Variants in RDH11 observed in about 807,000 individuals in gnomAD.
RDH11 encodes the protein retinol dehydrogenase 11, also known as HCV core-binding protein HCBP12.
In RDH11, 19 loss-of-function variants were observed where a neutral mutation model predicts 33.4. The observed-to-expected ratio is 0.57, with a 90% CI of 0.40 to 0.83. The LOEUF is 0.83. RDH11 is among the 40% of genes least tolerant of loss of function. RDH11 has a pLI of 0.00. For synonymous variants in RDH11, 154 were observed against 155.3 expected (o/e 0.99, Z 0.06); for missense variants, 353 against 389.0 (o/e 0.91, Z 0.78).
intron 5 of RDH11, among the ~76,000 whole-genome samples, chr14:67,689,234 C>T (rs2037718701): frequency 6.6e-6 from 1 of 152,236 alleles, no homozygotes; most frequent in African/African-American, 2.4e-5. Context: ...CTTCCCATCT[C>T]ACAGATGTTC....
intron 5 of RDH11, among the ~76,000 whole-genome samples, chr14:67,687,542 G>T (rs933274813): frequency 1.4e-5 from 2 of 145,862 alleles, no homozygotes; most frequent in African/African-American, 2.6e-5. Context: ...TATGATCTCA[G>T]CTCACCACAA....
chr14:67,677,163 T>C lies in RDH11; in HGVS notation c.*1158A>G, dbSNP rs2037549264. 6.6e-6 allele frequency: 1 copy of C among 152,128 alleles called. No individual in the cohort carries two copies. Among genetic ancestry groups the C allele is most frequent in the Non-Finnish European group, 1.5e-5 (1 of 68,028 alleles). 9.4% of individuals were successfully genotyped at this position (152,128 alleles called of 1,614,324 possible). ...AGTGATGGGAACACTACTAATTCCT[T>C]AGACTTCCTTTGGCAGCATTACTTT... is the stretch of plus-strand genomic sequence containing the variant. On this transcript the variant is annotated 3_prime_UTR_variant, in exon 7 of 7. Coordinates refer to ENST00000381346, the MANE Select transcript of RDH11 (RefSeq NM_016026.4).
chr14:67,688,344 C>T lies in RDH11; in HGVS notation c.664+1868G>A, dbSNP rs77427675. Among the ~76,000 whole-genome samples, 487 of 152,248 alleles carry T rather than the reference C, an allele frequency of 3.2e-3. 17 individuals are homozygous for T. In the East Asian group the frequency reaches 0.08, roughly 25 times the overall value. ...AATACACTAAGGCACATCTATACTACGAAATACAACACAGCCAATACAATT... is the reference window on the plus strand; with the variant it reads ...AATACACTAAGGCACATCTATACTATGAAATACAACACAGCCAATACAATT... On this transcript the variant is annotated intron_variant, in intron 5 of 6. Coordinates refer to ENST00000381346, the MANE Select transcript of RDH11 (RefSeq NM_016026.4).
chr14:67,679,076 G>C (rs2037580238), intron 6 of RDH11, among the ~76,000 whole-genome samples: 1 of 152,172 alleles, frequency 6.6e-6, no homozygotes, highest in Non-Finnish European at 1.5e-5. Context: ...AAGCTGAGAA[G>C]TCCAAGATCA....
At position 67,682,546 on chromosome 14, in the gene RDH11, C is replaced by T. The variant is rs564256350; in HGVS notation, c.854+2469G>A. On this transcript the variant is annotated intron_variant, in intron 6 of 6. Transcript: ENST00000381346. ...TAGGAAAATGAAATGAAAATAAAAA[C>T]AAGATATTCCTTCATACTCACTAGG... is the stretch of plus-strand genomic sequence containing the variant. 4.6e-5 allele frequency among the ~76,000 whole-genome samples: 7 copies of T among 152,192 alleles called. No individual in the cohort carries two copies. In the East Asian group the frequency reaches 1.4e-3, roughly 29 times the overall value.
chr14:67,679,385 T>C (rs558847890), intron 6 of RDH11, among the ~76,000 whole-genome samples: 8 of 152,156 alleles, frequency 5.3e-5, no homozygotes, highest in Non-Finnish European at 8.8e-5. Flanking sequence ...CCTCTCTTCA[T>C]TGCTGTAATT....
At chr14:67,680,170 G>C (rs748204388) in intron 6 of RDH11, among the ~76,000 whole-genome samples, 1 of 152,182 alleles carries the variant, frequency 6.6e-6, no homozygotes, top group African/African-American at 2.4e-5. Flanking sequence ...ACTAAAGTTT[G>C]AGAAATACCA....
At chr14:67,695,053 T>C (rs1055803705) in intron 1 of RDH11, among the ~76,000 whole-genome samples, 1 of 152,010 alleles carries the variant, frequency 6.6e-6, no homozygotes, top group Admixed American at 6.6e-5. Flanking sequence ...CTAACTCAGA[T>C]CCCCCGTGCT....
chr14:67,685,717 G>T (rs2037669875), intron 5 of RDH11, among the ~76,000 whole-genome samples: 1 of 151,966 alleles, frequency 6.6e-6, no homozygotes, highest in Non-Finnish European at 1.5e-5. Context: ...CCAGGTTCAA[G>T]CGATTCTCCT....
Position 67,692,926 on chromosome 14 carries a change from G to A in RDH11, c.193+8C>T. The stretch of plus-strand genomic sequence containing the variant: ...TAATAGGAGGGAATTGAAAGGAGGT[G>A]AACTTGCCTCTCTGAGCCAGCTCTT... On this transcript the variant is annotated splice_region_variant and intron_variant, in intron 2 of 6. Coordinates refer to ENST00000381346, the MANE Select transcript of RDH11 (RefSeq NM_016026.4). 1 of 1,569,150 alleles carries A rather than the reference G, an allele frequency of 6.4e-7. No homozygotes were observed. The highest frequency in any genetic ancestry group is 1.7e-5 in the Admixed American group (1 of 59,776).
chr14:67,686,872 T>G (rs1287754470), intron 5 of RDH11, among the ~76,000 whole-genome samples: 1 of 152,182 alleles, frequency 6.6e-6, no homozygotes, highest in African/African-American at 2.4e-5. Context: ...TGTAAAGCTT[T>G]GAAGAAACAG....
chr14:67,695,731 G>A lies in RDH11; in HGVS notation c.-28C>T, dbSNP rs760464790. ...CTGCCGGCTGCAGCGGCACCAGAGCGGGATGCTCCAGCGTTGCTCGCCGAC... is the reference window on the plus strand; with the variant it reads ...CTGCCGGCTGCAGCGGCACCAGAGCAGGATGCTCCAGCGTTGCTCGCCGAC... On this transcript the variant is annotated 5_prime_UTR_variant, in exon 1 of 7. Coordinates refer to ENST00000381346, the MANE Select transcript of RDH11 (RefSeq NM_016026.4). The A allele has an allele frequency of 7.5e-6, 12 of 1,610,202 alleles. No individual in the cohort carries two copies. Among genetic ancestry groups the A allele is most frequent in the Middle Eastern group, 3.3e-4 (2 of 6,036 alleles).
At chr14:67,681,982 G>A (rs181233892) in intron 6 of RDH11, among the ~76,000 whole-genome samples, 119 of 152,190 alleles carry the variant, frequency 7.8e-4, no homozygotes, top group African/African-American at 2.6e-3. Flanking sequence ...CACTATCATG[G>A]GAGTGGGTTT....
chr14:67,691,540 A>G (rs1189348043), intron 3 of RDH11: 1 of 263,950 alleles, frequency 3.8e-6, no homozygotes, highest in Non-Finnish European at 7.2e-6. Flanking sequence ...CTCTCAATAA[A>G]AAGACTTCCC....
At chr14:67,694,770 T>C (rs1356761309) in intron 1 of RDH11, among the ~76,000 whole-genome samples, 1 of 152,004 alleles carries the variant, frequency 6.6e-6, no homozygotes, top group East Asian at 1.9e-4. Context: ...AGAAGGAAAG[T>C]AGGTGACTGT....
intron 1 of RDH11, among the ~76,000 whole-genome samples, chr14:67,694,951 G>T (rs2037810364): frequency 6.6e-6 from 1 of 152,018 alleles, no homozygotes. Flanking sequence ...GATTCACTGG[G>T]GCACTTGGCC....
rs745863955 is a variant in RDH11 at position 67,695,753 on chromosome 14, C to A, written c.-50G>T. On this transcript the variant is annotated 5_prime_UTR_variant, in exon 1 of 7. Transcript: ENST00000381346. ...AGCGGGATGCTCCAGCGTTGCTCGC[C>A]GACTATGGCTTCTCTTTCTAGACAC... 5 of 1,557,322 alleles carry A rather than the reference C, an allele frequency of 3.2e-6. No homozygotes were observed. Among genetic ancestry groups the A allele is most frequent in the Middle Eastern group, 1.7e-4 (1 of 5,838 alleles).
intron 6 of RDH11, among the ~76,000 whole-genome samples, chr14:67,680,297 C>T (rs1184382085): frequency 1.3e-5 from 2 of 152,216 alleles, no homozygotes; most frequent in Non-Finnish European, 2.9e-5. Flanking sequence ...TCAGTGAGAA[C>T]CACAAGGCTC....
In RDH11 at chr14:67,677,371, T is replaced by TTTTTG; in HGVS notation, c.*949_*950insCAAAA. 1 of 138,826 alleles carries TTTTTG rather than the reference T, an allele frequency of 7.2e-6. No homozygotes were observed. Among genetic ancestry groups the TTTTTG allele is most frequent in the Admixed American group, 7.3e-5 (1 of 13,782 alleles). The allele number at this position is 138,826 out of a possible 1,614,324, so 8.6% of individuals were successfully genotyped here. Reference sequence around the variant, plus strand: ...GTTTGTTTGTTTTTAGGATTTTTTTTTTTTTTTTTTTTTTTTTTTTTGCCA... The same window carrying TTTTTG: ...GTTTGTTTGTTTTTAGGATTTTTTTTTTTTGTTTTTTTTTTTTTTTTTTTTTGCCA... On this transcript the variant is annotated 3_prime_UTR_variant, in exon 7 of 7. Coordinates refer to ENST00000381346, the MANE Select transcript of RDH11 (RefSeq NM_016026.4).
Sources: gnomAD v4.1 joint callset for allele counts (sites outside exome capture counted in the v4.1 genomes callset) on GRCh38, gnomAD v4.1.1 for gene constraint, MANE v1.5 for transcripts, NCBI Gene and HGNC (gene_info 2026-07-23, HGNC 2026-07-21) for gene names.